Variants in CNTN4 observed in about 807,000 individuals in gnomAD.
CNTN4 encodes the protein contactin-4.
In CNTN4, 77 loss-of-function variants were observed where a neutral mutation model predicts 122.5. The ratio of observed to expected loss-of-function variants is 0.63; its 90% CI spans 0.52 to 0.76. CNTN4 has a LOEUF of 0.76. CNTN4 is among the 30% of genes least tolerant of loss of function. CNTN4 has a pLI of 0.00. For synonymous variants in CNTN4, 512 were observed against 447.0 expected (o/e 1.15, Z -1.83); for missense variants, 1,256 against 1,259.1 (o/e 1.00, Z 0.04).
intron 4 of CNTN4, among the ~76,000 whole-genome samples, chr3:2,630,013 T>C (rs2082361646): frequency 6.6e-6 from 1 of 152,228 alleles, no homozygotes; most frequent in African/African-American, 2.4e-5. Flanking sequence ...TCTGCCTCTC[T>C]ACCTGCTTTT....
At chr3:2,391,554 AT>A (rs1339067730) in intron 3 of CNTN4, among the ~76,000 whole-genome samples, 3 of 152,212 alleles carry the variant, frequency 2.0e-5, no homozygotes, top group African/African-American at 7.2e-5. Context: ...CTTCTAACAT[AT>A]CCCCCACACA....
intron 2 of CNTN4, among the ~76,000 whole-genome samples, chr3:2,308,895 T>C (rs1409437959): frequency 6.6e-6 from 1 of 152,002 alleles, no homozygotes; most frequent in Non-Finnish European, 1.5e-5. Flanking sequence ...ACAGTCTAAG[T>C]TGAAAAATGT....
At chr3:2,851,547 T>C (rs2093550847) in intron 7 of CNTN4, among the ~76,000 whole-genome samples, 1 of 152,232 alleles carries the variant, frequency 6.6e-6, no homozygotes, top group African/African-American at 2.4e-5. Context: ...GTGGAGTCTA[T>C]TTGCAATCCC....
At chr3:2,658,101 C>T (rs1189466568) in intron 4 of CNTN4, among the ~76,000 whole-genome samples, 2 of 150,226 alleles carry the variant, frequency 1.3e-5, no homozygotes, top group African/African-American at 4.9e-5. Context: ...GCTTATGAGA[C>T]AGCCAGGTCG....
intron 3 of CNTN4, among the ~76,000 whole-genome samples, chr3:2,409,105 A>G (rs768928556): frequency 2.0e-5 from 3 of 152,150 alleles, no homozygotes; most frequent in Non-Finnish European, 4.4e-5. Flanking sequence ...ATTAAAGAGG[A>G]ACAAAATTAT....
At chr3:2,790,201 G>C (rs977905932) in intron 6 of CNTN4, among the ~76,000 whole-genome samples, 1 of 152,194 alleles carries the variant, frequency 6.6e-6, no homozygotes, top group Non-Finnish European at 1.5e-5. Context: ...ACCTGAGTTT[G>C]TTAGATTTTC....
chr3:2,594,976 T>C (rs1465551046), intron 4 of CNTN4, among the ~76,000 whole-genome samples: 1 of 152,208 alleles, frequency 6.6e-6, no homozygotes, highest in Non-Finnish European at 1.5e-5. Flanking sequence ...AGAAGTAACA[T>C]TGGTCACATT....
At chr3:2,279,395 CAA>C in intron 2 of CNTN4, among the ~76,000 whole-genome samples, 1 of 152,116 alleles carries the variant, frequency 6.6e-6, no homozygotes, top group East Asian at 1.9e-4. Flanking sequence ...GTAGTCTAGT[CAA>C]AAAAGTTTTA....
chr3:2,892,214 C>T (rs1026489526), intron 10 of CNTN4: 10 of 152,280 alleles, frequency 6.6e-5, no homozygotes, highest in Admixed American at 3.3e-4. Context: ...TTCTGGGTCT[C>T]GTTCTATGTT....
chr3:2,376,409 T>C (rs893187778), intron 3 of CNTN4, among the ~76,000 whole-genome samples: 1 of 152,162 alleles, frequency 6.6e-6, no homozygotes, highest in Admixed American at 6.5e-5. Context: ...CCAAGAATTA[T>C]GGGAGCACAG....
chr3:2,373,511 A>G (rs1023675239), intron 3 of CNTN4, among the ~76,000 whole-genome samples: 1 of 152,234 alleles, frequency 6.6e-6, no homozygotes, highest in South Asian at 2.1e-4. Flanking sequence ...TACATGAGTT[A>G]GTGTTTGCTT....
At chr3:2,216,154 G>A (rs1237824520) in intron 2 of CNTN4, among the ~76,000 whole-genome samples, 2 of 152,154 alleles carry the variant, frequency 1.3e-5, no homozygotes, top group South Asian at 2.1e-4. Flanking sequence ...ATCAATGATA[G>A]ATTGGATAAA....
chr3:2,626,496 CA>C (rs35668647), intron 4 of CNTN4, among the ~76,000 whole-genome samples: 2 of 144,012 alleles, frequency 1.4e-5, no homozygotes, highest in African/African-American at 2.5e-5. Flanking sequence ...GACTCTATCT[CA>C]AAAAAAAAAC....
At chr3:2,281,867 A>G (rs1280916396) in intron 2 of CNTN4, among the ~76,000 whole-genome samples, 1 of 152,160 alleles carries the variant, frequency 6.6e-6, no homozygotes, top group African/African-American at 2.4e-5. Context: ...GAAGTTTGGT[A>G]TTCGTGACTC....
At chr3:2,278,440 C>T (rs2041599261) in intron 2 of CNTN4, among the ~76,000 whole-genome samples, 1 of 152,150 alleles carries the variant, frequency 6.6e-6, no homozygotes, top group South Asian at 2.1e-4. Flanking sequence ...TTACTAGGAT[C>T]TTACTGGTCT....
At chr3:2,755,884 A>T (rs1384624309) in intron 6 of CNTN4, among the ~76,000 whole-genome samples, 1 of 152,214 alleles carries the variant, frequency 6.6e-6, no homozygotes, top group African/African-American at 2.4e-5. Context: ...TATCACCATA[A>T]AAAAACCAAG....
intron 3 of CNTN4, among the ~76,000 whole-genome samples, chr3:2,513,066 G>A (rs191612769): frequency 4.7e-4 from 72 of 152,304 alleles, no homozygotes; most frequent in African/African-American, 1.6e-3. Flanking sequence ...GTAAGATGAA[G>A]CAAAAGACGG....
intron 3 of CNTN4, among the ~76,000 whole-genome samples, chr3:2,465,679 A>C (rs1157308171): frequency 6.6e-6 from 1 of 152,206 alleles, no homozygotes. Flanking sequence ...TCCATCTCAA[A>C]AAAATAAAAA....
intron 4 of CNTN4, among the ~76,000 whole-genome samples, chr3:2,675,815 GTGC>G (rs2084814064): frequency 6.6e-6 from 1 of 152,162 alleles, no homozygotes; most frequent in African/African-American, 2.4e-5. Flanking sequence ...TGCTTTCTTT[GTGC>G]TGGACACTGC....
Sources: gnomAD v4.1 joint callset for allele counts (sites outside exome capture counted in the v4.1 genomes callset) on GRCh38, gnomAD v4.1.1 for gene constraint, MANE v1.5 for transcripts, NCBI Gene and HGNC (gene_info 2026-07-23, HGNC 2026-07-21) for gene names.